Variants in CHAC2 observed in about 807,000 individuals in gnomAD.
CHAC2 encodes ChaC glutathione specific gamma-glutamylcyclotransferase 2, also known as glutathione-specific gamma-glutamylcyclotransferase 2.
In CHAC2, 20 loss-of-function variants were observed where a neutral mutation model predicts 16.9. That is an observed-to-expected ratio of 1.18 (90% confidence interval 0.83 to 1.72). The LOEUF (loss-of-function observed/expected upper bound fraction) is 1.72, where lower values mean the gene tolerates loss of function less well. CHAC2 is among the 40% of genes most tolerant of loss of function. The pLI is 0.00. For missense variants in CHAC2, 269 were observed against 222.2 expected, an observed-to-expected ratio of 1.21 and a Z score of -1.34; for synonymous variants, 91 against 77.3, an observed-to-expected ratio of 1.18 and a Z score of -0.93.
chr2:53,768,788 G>C lies in CHAC2; in HGVS notation c.135+767G>C, dbSNP rs114131215. On this transcript the variant is annotated intron_variant, in intron 1 of 2. Transcript: ENST00000295304. ...AGACATTAATCTCAATATATGTATA[G>C]AGAATTAGCAGCAGCTCACTGCTTA... is the stretch of plus-strand genomic sequence containing the variant. Among the ~76,000 whole-genome samples the C allele has an allele frequency of 2.4e-3, 361 of 152,270 alleles. 1 individual carries two copies. The highest frequency in any genetic ancestry group is 3.9e-3 in the Non-Finnish European group (262 of 68,026).
intron 1 of CHAC2, 156 bp downstream of exon 1, chr2:53,768,177 C>A (rs1673627520): frequency 2.3e-6 from 2 of 865,852 alleles, no homozygotes; most frequent in South Asian, 3.9e-5. Context: ...TCCCTGCCAC[C>A]TGCCCGCCAT....
At position 53,774,569 on chromosome 2, in the gene CHAC2, AT is replaced by A. The variant is rs1674200428; in HGVS notation, c.*47del. On this transcript the variant is annotated 3_prime_UTR_variant, in exon 3 of 3. Coordinates refer to ENST00000295304, the MANE Select transcript of CHAC2 (RefSeq NM_001008708.4). ...AACTTCAGTGCACAATGACAATATG[AT>A]TTGGAAATACGTTTACTTAAAGATC... 6 of 1,359,408 alleles carry A rather than the reference AT, an allele frequency of 4.4e-6. No individual in the cohort carries two copies. Among genetic ancestry groups the A allele is most frequent in the Non-Finnish European group, 5.0e-6 (5 of 1,008,094 alleles). The allele number at this position is 1,359,408 out of a possible 1,614,324, so 84.2% of individuals were successfully genotyped here.
rs753927308 is a variant in CHAC2 at position 53,771,967 on chromosome 2, T to C, written c.171+25T>C. The C allele has an allele frequency of 9.2e-6, 12 of 1,301,318 alleles. 1 individual carries two copies. The South Asian group carries it at 1.8e-4, about 19-fold the overall frequency. 80.6% of individuals were successfully genotyped at this position (1,301,318 alleles called of 1,614,324 possible). The stretch of plus-strand genomic sequence containing the variant: ...GGTATGGTATAAATATTCTTTTTTG[T>C]ATAATTTTAATTTTATAAAATGTTG... On this transcript the variant is annotated intron_variant, in intron 2 of 2. Transcript: ENST00000295304.
intron 1 of CHAC2, chr2:53,768,308 G>A: frequency 5.6e-6 from 2 of 358,858 alleles, no homozygotes; most frequent in Non-Finnish European, 5.1e-6. Flanking sequence ...TGCGGAGATG[G>A]GGACTCCATC....
In CHAC2 at chr2:53,774,030, T is replaced by C. The variant is rs1366214467; in HGVS notation, c.172-112T>C. Reference sequence around the variant, plus strand: ...AGCCTGGGCAACAGACAAGACTTCATCTCAAAAACAAACAGAAAAGAATAT... The same window carrying C: ...AGCCTGGGCAACAGACAAGACTTCACCTCAAAAACAAACAGAAAAGAATAT... On this transcript the variant is annotated intron_variant, in intron 2 of 2. Coordinates refer to ENST00000295304, the MANE Select transcript of CHAC2 (RefSeq NM_001008708.4). 7 of 1,206,366 alleles carry C rather than the reference T, an allele frequency of 5.8e-6. No homozygotes were observed. The East Asian group carries it at 9.6e-5, about 17-fold the overall frequency. The allele number at this position is 1,206,366 out of a possible 1,614,324, so 74.7% of individuals were successfully genotyped here. A position where few individuals can be genotyped will look rare whatever the true frequency, so the allele number is the denominator to read the frequency against.
At chr2:53,768,194 C>T in intron 1 of CHAC2, 173 bp downstream of exon 1, 1 of 746,922 alleles carries the variant, frequency 1.3e-6, no homozygotes, top group Admixed American at 3.0e-5. Context: ...CCATCTCTAA[C>T]CCAGCCCGGG....
Position 53,774,117 on chromosome 2 carries a change from G to A in CHAC2, c.172-25G>A, listed in dbSNP as rs1674154916. ...TATTTTAATTAGCCTTATAATACCA[G>A]TGTATTCTTTTCATTTTTCAACAGG... is the stretch of plus-strand genomic sequence containing the variant. On this transcript the variant is annotated intron_variant, in intron 2 of 2. Coordinates refer to ENST00000295304, the MANE Select transcript of CHAC2 (RefSeq NM_001008708.4). 3 of 1,565,370 alleles carry A rather than the reference G, an allele frequency of 1.9e-6. No individual in the cohort carries two copies. The African/African-American group carries it at 4.1e-5, about 21-fold the overall frequency.
chr2:53,774,605 AT>A lies in CHAC2; in HGVS notation c.*81del, dbSNP rs1674203339. 5.7e-6 allele frequency: 6 copies of A among 1,059,224 alleles called. No homozygotes were observed. Among genetic ancestry groups the A allele is most frequent in the Admixed American group, 2.8e-5 (1 of 35,772 alleles). 65.6% of individuals were successfully genotyped at this position (1,059,224 alleles called of 1,614,324 possible). ...CGTTTACTTAAAGATCTTATTTTTA[AT>A]GTAGTGAGGATATTATTTAAACTTT... is the stretch of plus-strand genomic sequence containing the variant. On this transcript the variant is annotated 3_prime_UTR_variant, in exon 3 of 3. Transcript: ENST00000295304.
Position 53,774,607 on chromosome 2 carries a change from G to A in CHAC2, c.*82G>A, listed in dbSNP as rs1004820766. ...TTTACTTAAAGATCTTATTTTTAAT[G>A]TAGTGAGGATATTATTTAAACTTTT... On this transcript the variant is annotated 3_prime_UTR_variant, in exon 3 of 3. Transcript: ENST00000295304. The A allele has an allele frequency of 3.9e-6, 4 of 1,027,590 alleles. No homozygotes were observed. In the African/African-American group the frequency reaches 4.9e-5, roughly 13 times the overall value. The allele number at this position is 1,027,590 out of a possible 1,614,324, so 63.7% of individuals were successfully genotyped here.
At chr2:53,772,205 A>C (rs574922677) in intron 2 of CHAC2, among the ~76,000 whole-genome samples, 24 of 152,126 alleles carry the variant, frequency 1.6e-4, no homozygotes, top group East Asian at 5.8e-4. Flanking sequence ...GACAGAGTCT[A>C]GCTCTGTCGC....
intron 1 of CHAC2, 178 bp downstream of exon 1, chr2:53,768,199 C>G: frequency 1.4e-6 from 1 of 691,044 alleles, no homozygotes; most frequent in South Asian, 2.2e-5. Context: ...TCTAACCCAG[C>G]CCGGGCACTC....
In CHAC2 at chr2:53,774,131, T is replaced by A. The variant is rs1354743965; in HGVS notation, c.172-11T>A. ...TTATAATACCAGTGTATTCTTTTCA[T>A]TTTTCAACAGGGATGTGTATGGGGT... On this transcript the variant is annotated splice_polypyrimidine_tract_variant and intron_variant, in intron 2 of 2. Coordinates refer to ENST00000295304, the MANE Select transcript of CHAC2 (RefSeq NM_001008708.4). 6.3e-7 allele frequency: 1 copy of A among 1,576,488 alleles called. No individual in the cohort carries two copies. Among genetic ancestry groups the A allele is most frequent in the South Asian group, 1.2e-5 (1 of 83,464 alleles).
chr2:53,768,118 G>A (rs2104116309), intron 1 of CHAC2, 97 bp downstream of exon 1: 3 of 1,377,474 alleles, frequency 2.2e-6, no homozygotes, highest in African/African-American at 1.4e-5. Context: ...ACACCTTAGC[G>A]CTTCATGGGG....
At chr2:53,773,727 C>A (rs748326454) in intron 2 of CHAC2, among the ~76,000 whole-genome samples, 1 of 151,644 alleles carries the variant, frequency 6.6e-6, no homozygotes, top group African/African-American at 2.4e-5. Context: ...CCGCTCCTGG[C>A]CCACTTTTAA....
intron 1 of CHAC2, among the ~76,000 whole-genome samples, chr2:53,770,011 A>G (rs1673783167): frequency 1.3e-5 from 2 of 152,208 alleles, no homozygotes; most frequent in Admixed American, 6.5e-5. Context: ...TCAAGATTTC[A>G]TCTTCTCCAC....
chr2:53,773,632 T>C (rs959817757), intron 2 of CHAC2, among the ~76,000 whole-genome samples: 7 of 151,936 alleles, frequency 4.6e-5, no homozygotes, highest in Non-Finnish European at 8.8e-5. Context: ...GGTTTCACCA[T>C]CTTGGCCAGG....
chr2:53,770,958 TTC>T (rs2104142522), intron 1 of CHAC2, among the ~76,000 whole-genome samples: 1 of 152,322 alleles, frequency 6.6e-6, no homozygotes, highest in Non-Finnish European at 1.5e-5. Context: ...AAATCACTCA[TTC>T]TCTCTCACTT....
At chr2:53,772,234 G>A (rs1573014276) in intron 2 of CHAC2, among the ~76,000 whole-genome samples, 1 of 152,120 alleles carries the variant, frequency 6.6e-6, no homozygotes, top group African/African-American at 2.4e-5. Flanking sequence ...GAGTGCAGTG[G>A]CGCGATCTCG....
intron 1 of CHAC2, among the ~76,000 whole-genome samples, chr2:53,770,471 T>A (rs2104138187): frequency 6.9e-6 from 1 of 145,212 alleles, no homozygotes; most frequent in South Asian, 2.2e-4. Flanking sequence ...ACATACAGCC[T>A]TTGGTACTCC....
Sources: gnomAD v4.1 joint callset for allele counts (sites outside exome capture counted in the v4.1 genomes callset) on GRCh38, gnomAD v4.1.1 for gene constraint, MANE v1.5 for transcripts, NCBI Gene and HGNC (gene_info 2026-07-23, HGNC 2026-07-21) for gene names.